FGD4: variants seen among roughly 807,000 people sequenced by gnomAD.
The protein encoded by FGD4 is FYVE, RhoGEF and PH domain-containing protein 4.
In FGD4, 42 loss-of-function variants were observed where a neutral mutation model predicts 102.0. The observed-to-expected ratio is 0.41, with a 90% CI of 0.32 to 0.53. The LOEUF (loss-of-function observed/expected upper bound fraction) is 0.53, where lower values mean the gene tolerates loss of function less well. FGD4 is among the 20% of genes least tolerant of loss of function. The pLI is 0.21. For missense variants in FGD4, 902 were observed against 1,078.2 expected, an observed-to-expected ratio of 0.84 and a Z score of 2.29; for synonymous variants, 380 against 375.7, an observed-to-expected ratio of 1.01 and a Z score of -0.13.
chr12:32,573,807 C>G (rs1162933846), intron 2 of FGD4, among the ~76,000 whole-genome samples: 4 of 152,186 alleles, frequency 2.6e-5, no homozygotes, highest in Admixed American at 1.3e-4. Context: ...TAAAGTGCCT[C>G]TCCACTAGTA....
intron 1 of FGD4, among the ~76,000 whole-genome samples, chr12:32,410,573 G>C (rs1941163246): frequency 6.6e-6 from 1 of 152,182 alleles, no homozygotes; most frequent in Non-Finnish European, 1.5e-5. Context: ...GACAGTGTAG[G>C]CATTAGCACC....
Position 32,582,103 on chromosome 12 carries a change from C to T in FGD4, c.647C>T (p.Thr216Ile), listed in dbSNP as rs145115430. The change falls in exon 4 of 17, where the codon ACA (threonine) becomes ATA (isoleucine). Residue 216 changes from threonine to isoleucine, a missense_variant. Around this residue, in one of 2 missense-constraint regions of FGD4, gnomAD observed 443 missense variants for 459.2 expected, o/e 0.96. Transcript: ENST00000534526. ...TTGCCACAGAGGCAGGGAAATGATA[C>T]AGATAAGACTCAGGGTGCACAGACT... Reference protein sequence around the residue: ...QHLPQRQGNDTDKTQGAQTCV... With the variant: ...QHLPQRQGNDIDKTQGAQTCV... 703 of 1,614,154 alleles carry T rather than the reference C, an allele frequency of 4.4e-4. 3 individuals are homozygous for T. The African/African-American group carries it at 6.1e-3, about 14-fold the overall frequency.
At chr12:32,530,943 T>TTTTTG (rs1403793631) in intron 1 of FGD4, among the ~76,000 whole-genome samples, 4 of 70,408 alleles carry the variant, frequency 5.7e-5, no homozygotes, top group African/African-American at 3.0e-4. Flanking sequence ...TAGCTTTGGT[T>TTTTTG]TTTTTTTTTT....
chr12:32,498,643 G>A (rs1207320381), intron 1 of FGD4, among the ~76,000 whole-genome samples: 4 of 152,094 alleles, frequency 2.6e-5, no homozygotes, highest in South Asian at 2.1e-4. Context: ...AGTCTCTGTC[G>A]CCCAGGCTGG....
chr12:32,624,482 C>CA, intron 12 of FGD4, 30 bp downstream of exon 12: 1 of 1,344,194 alleles, frequency 7.4e-7, no homozygotes, highest in Non-Finnish European at 1.0e-6. Context: ...CCTTTTCTTT[C>CA]TTTTTTTTTT....
At chr12:32,453,216 ATATAATATAGATATATATATATTT>A (rs1565749043) in intron 1 of FGD4, among the ~76,000 whole-genome samples, 2 of 49,324 alleles carry the variant, frequency 4.1e-5, no homozygotes, top group Non-Finnish European at 8.9e-5. Context: ...ATATATATAT[ATATAATATAGATATATATATATTT>A]TTTTTTTTTT....
chr12:32,474,807 G>A (rs1943545169), intron 1 of FGD4, among the ~76,000 whole-genome samples: 1 of 152,162 alleles, frequency 6.6e-6, no homozygotes, highest in South Asian at 2.1e-4. Context: ...CGGAGGCTGA[G>A]GCAAGAGGAT....
intron 1 of FGD4, among the ~76,000 whole-genome samples, chr12:32,497,612 A>G (rs1281506249): frequency 6.6e-6 from 1 of 152,166 alleles, no homozygotes; most frequent in Non-Finnish European, 1.5e-5. Context: ...TATCTGGTCA[A>G]TTTATAATAC....
At chr12:32,443,421 G>T (rs1942508842) in intron 1 of FGD4, among the ~76,000 whole-genome samples, 1 of 152,034 alleles carries the variant, frequency 6.6e-6, no homozygotes, top group African/African-American at 2.4e-5. Context: ...TGCAATCATA[G>T]CTCACTGTAG....
intron 1 of FGD4, among the ~76,000 whole-genome samples, chr12:32,491,416 G>A (rs1176253561): frequency 1.3e-5 from 2 of 152,178 alleles, no homozygotes; most frequent in Non-Finnish European, 2.9e-5. Context: ...TTAATTATCT[G>A]TGTGTGGTAT....
At chr12:32,609,193 C>G (rs773371483) in intron 8 of FGD4, among the ~76,000 whole-genome samples, 30 of 152,194 alleles carry the variant, frequency 2.0e-4, no homozygotes, top group Non-Finnish European at 3.8e-4. Context: ...AGAACACAAG[C>G]TGTCTCAGAT....
chr12:32,559,393 T>A (rs1025622419), intron 1 of FGD4, among the ~76,000 whole-genome samples: 1 of 152,248 alleles, frequency 6.6e-6, no homozygotes, highest in Admixed American at 6.5e-5. Context: ...TTTTTAGCCT[T>A]GCAGCCACGT....
intron 14 of FGD4, among the ~76,000 whole-genome samples, chr12:32,630,583 GGCAGGT>G (rs975216635): frequency 5.3e-5 from 8 of 152,036 alleles, no homozygotes; most frequent in Non-Finnish European, 1.0e-4. Context: ...AGGAGGCCGA[GGCAGGT>G]GGATCACAAG....
At chr12:32,616,212 G>A (rs1419928227) in intron 10 of FGD4, among the ~76,000 whole-genome samples, 2 of 151,932 alleles carry the variant, frequency 1.3e-5, no homozygotes, top group Non-Finnish European at 1.5e-5. Flanking sequence ...CAATTGCCTC[G>A]GCCTAATTTT....
intron 1 of FGD4, among the ~76,000 whole-genome samples, chr12:32,417,474 C>T (rs1385431299): frequency 6.6e-6 from 1 of 151,318 alleles, no homozygotes; most frequent in East Asian, 1.9e-4. Flanking sequence ...TATTTATTTT[C>T]TGAGACAGAG....
chr12:32,638,020 C>T (rs541875449), intron 15 of FGD4, among the ~76,000 whole-genome samples: 62 of 152,164 alleles, frequency 4.1e-4, no homozygotes, highest in African/African-American at 1.3e-3. Context: ...TGCCTTTTTG[C>T]TTTTATATTC....
At chr12:32,515,393 C>CTCCCAG in intron 1 of FGD4, among the ~76,000 whole-genome samples, 1 of 152,152 alleles carries the variant, frequency 6.6e-6, no homozygotes, top group Non-Finnish European at 1.5e-5. Flanking sequence ...CAGATGATTG[C>CTCCCAG]ACAAAGCCCA....
chr12:32,581,989 AAG>A lies in FGD4; in HGVS notation c.536_537del (p.Glu179ValfsTer9). Reference sequence around the variant, plus strand: ...TTATCAAATTATAGTGATTTGAAGAAAGAGTCTGCTGTGAACCTAAATGCTCC... The same window carrying A: ...TTATCAAATTATAGTGATTTGAAGAAAGTCTGCTGTGAACCTAAATGCTCC... On this transcript the variant is annotated frameshift_variant, in exon 4 of 17. Coordinates refer to ENST00000534526, the MANE Select transcript of FGD4 (RefSeq NM_001370298.3). LOFTEE classifies it high-confidence loss of function. 1.2e-6 allele frequency: 2 copies of A among 1,614,164 alleles called. No individual in the cohort carries two copies. Among genetic ancestry groups the A allele is most frequent in the Non-Finnish European group, 1.7e-6 (2 of 1,180,014 alleles).
At chr12:32,573,905 C>A (rs1320595573) in intron 2 of FGD4, among the ~76,000 whole-genome samples, 1 of 152,094 alleles carries the variant, frequency 6.6e-6, no homozygotes, top group East Asian at 1.9e-4. Context: ...TAGCTGTGAT[C>A]AAAAGTAATA....
Sources: gnomAD v4.1 joint callset for allele counts (sites outside exome capture counted in the v4.1 genomes callset) on GRCh38, gnomAD v4.1.1 for gene constraint, gnomAD v4.1.1 regional missense constraint, MANE v1.5 for transcripts, NCBI Gene and HGNC (gene_info 2026-07-23, HGNC 2026-07-21) for gene names.